The following TANGO6 variants were observed in gnomAD, a reference collection of about 807,000 sequenced individuals.
TANGO6 encodes the protein transport and Golgi organization protein 6 homolog.
In TANGO6, 90 loss-of-function variants were observed where a neutral mutation model predicts 114.2. The ratio of observed to expected loss-of-function variants is 0.79; its 90% CI spans 0.66 to 0.94. The LOEUF (loss-of-function observed/expected upper bound fraction) is 0.94. Ranked by LOEUF, TANGO6 falls within the 40% of genes least tolerant of loss-of-function variation. The pLI is 0.00. For synonymous variants in TANGO6, 477 were observed against 509.8 expected (o/e 0.94, Z 0.87); for missense variants, 1,274 against 1,315.3 (o/e 0.97, Z 0.49).
At chr16:69,044,194 A>G (rs1345493830) in intron 17 of TANGO6, among the ~76,000 whole-genome samples, 2 of 152,184 alleles carry the variant, frequency 1.3e-5, no homozygotes, top group South Asian at 2.1e-4. Flanking sequence ...CCTCCCGAGT[A>G]GCTAGGATTA....
intron 1 of TANGO6, among the ~76,000 whole-genome samples, chr16:68,847,629 C>T (rs62055794): frequency 9.2e-5 from 14 of 152,274 alleles, no homozygotes; most frequent in Middle Eastern, 3.4e-3. Context: ...CACTCATTTC[C>T]GTTTGAGGTA....
At chr16:68,978,381 C>G (rs1481770910) in intron 15 of TANGO6, among the ~76,000 whole-genome samples, 1 of 152,192 alleles carries the variant, frequency 6.6e-6, no homozygotes, top group Non-Finnish European at 1.5e-5. Flanking sequence ...ATTTCCAAAA[C>G]AGCCTTCTGG....
chr16:68,984,027 C>T (rs1483332038), intron 15 of TANGO6, among the ~76,000 whole-genome samples: 2 of 148,186 alleles, frequency 1.3e-5, no homozygotes, highest in South Asian at 2.2e-4. Flanking sequence ...AGCAAGACTC[C>T]GTCTCAAAAA....
chr16:68,887,448 T>C (rs1216533419), intron 7 of TANGO6, among the ~76,000 whole-genome samples: 1 of 152,142 alleles, frequency 6.6e-6, no homozygotes, highest in Non-Finnish European at 1.5e-5. Flanking sequence ...GACAAGAGAA[T>C]GCCAGCAGAG....
At chr16:69,040,486 CT>C in intron 17 of TANGO6, 65 bp downstream of exon 17, 1 of 1,387,486 alleles carries the variant, frequency 7.2e-7, no homozygotes, top group Non-Finnish European at 1.0e-6. Flanking sequence ...CTCAATCTTC[CT>C]TTTACCAGGG....
In TANGO6 at chr16:69,019,262, T is replaced by A. The variant is rs532919438; in HGVS notation, c.2843-3566T>A. Among the ~76,000 whole-genome samples the A allele has an allele frequency of 5.0e-4, 76 of 152,344 alleles. 3 individuals are homozygous for A. In the South Asian group the frequency reaches 0.016, roughly 31 times the overall value. ...CCTCTCTAGGATAGATAATTAGAAA[T>A]GCAAAGACTGGGTCAAAGAGTCTGA... On this transcript the variant is annotated intron_variant, in intron 15 of 17. Transcript: ENST00000261778.
chr16:68,982,596 C>A (rs886945604), intron 15 of TANGO6, among the ~76,000 whole-genome samples: 48 of 146,052 alleles, frequency 3.3e-4, no homozygotes, highest in African/African-American at 1.2e-3. Context: ...TCCCAAAGTG[C>A]TGGGATTACA....
At chr16:69,000,798 G>T (rs924375512) in intron 15 of TANGO6, among the ~76,000 whole-genome samples, 2 of 152,018 alleles carry the variant, frequency 1.3e-5, no homozygotes, top group South Asian at 4.2e-4. Context: ...TCACCATGTG[G>T]CCAGGCTGGT....
Position 68,919,144 on chromosome 16 carries a change from A to G in TANGO6, c.2052A>G (p.Ala684=). The G allele has an allele frequency of 6.2e-7, 1 of 1,613,150 alleles. No individual in the cohort carries two copies. Among genetic ancestry groups the G allele is most frequent in the Non-Finnish European group, 8.5e-7 (1 of 1,179,636 alleles). Residue 684 remains alanine, a synonymous_variant, in exon 12 of 18, where the codon GCA becomes GCG. Transcript: ENST00000261778. ...CCTGTGCAAGCCTGGCCCATCAGGC[A>G]GAGAGCACCGTGGAATCACAGACGC... The part of the protein sequence containing the change: ...QRACASLAHQ[A]ESTVESQTLS...
At chr16:68,849,654 T>C (rs1008570344) in intron 1 of TANGO6, among the ~76,000 whole-genome samples, 16 of 151,716 alleles carry the variant, frequency 1.1e-4, no homozygotes, top group African/African-American at 2.9e-4. Context: ...AGTGAGACCC[T>C]GTCTCAAAAA....
At chr16:68,960,077 T>A (rs1963574282) in intron 14 of TANGO6, among the ~76,000 whole-genome samples, 1 of 152,218 alleles carries the variant, frequency 6.6e-6, no homozygotes, top group Non-Finnish European at 1.5e-5. Context: ...GGTAACTGTT[T>A]CTTTTGATAG....
chr16:68,973,161 A>G (rs1324797889), intron 14 of TANGO6: 1 of 455,994 alleles, frequency 2.2e-6, no homozygotes, highest in Admixed American at 2.3e-5. Context: ...CAGGGAGACC[A>G]ATGAGGGGAT....
intron 1 of TANGO6, chr16:68,846,744 A>ATCC (rs1231535596): frequency 6.4e-6 from 1 of 156,272 alleles, no homozygotes; most frequent in Non-Finnish European, 1.4e-5. Context: ...TGACTTCGTA[A>ATCC]TCCTCCCGCC....
intron 14 of TANGO6, among the ~76,000 whole-genome samples, chr16:68,964,241 C>T (rs934939269): frequency 6.6e-6 from 1 of 151,900 alleles, no homozygotes; most frequent in South Asian, 2.1e-4. Flanking sequence ...TCTATTGAAA[C>T]ATCACCATGT....
At chr16:68,882,725 T>TA (rs111519400) in intron 7 of TANGO6, among the ~76,000 whole-genome samples, 19,643 of 148,814 alleles carry the variant, frequency 0.13, 1,711 homozygotes, top group African/African-American at 0.25. Context: ...CCAGTTTTAT[T>TA]AAAAAAAAAA....
At chr16:68,968,470 T>G (rs1963667363) in intron 14 of TANGO6, among the ~76,000 whole-genome samples, 1 of 151,724 alleles carries the variant, frequency 6.6e-6, no homozygotes, top group African/African-American at 2.4e-5. Flanking sequence ...GTTCAAGTGA[T>G]TCTCCTGTCT....
At chr16:69,075,869 C>T (rs8044939) in intron 17 of TANGO6, among the ~76,000 whole-genome samples, 3,527 of 148,846 alleles carry the variant, frequency 0.024, 138 homozygotes, top group African/African-American at 0.082. Flanking sequence ...CGGGTTCAAG[C>T]GATTCCCGTT....
At chr16:68,961,324 ACTGAGCATGCGGGTTTGCAGTCCT>A (rs1454841265) in intron 14 of TANGO6, among the ~76,000 whole-genome samples, 1 of 152,208 alleles carries the variant, frequency 6.6e-6, no homozygotes, top group African/African-American at 2.4e-5. Flanking sequence ...TAGCAGAGTG[ACTGAGCATGCGGGTTTGCAGTCCT>A]GCCCCGCCAC....
At chr16:69,016,740 A>G (rs1959305077) in intron 15 of TANGO6, among the ~76,000 whole-genome samples, 1 of 151,568 alleles carries the variant, frequency 6.6e-6, no homozygotes, top group African/African-American at 2.4e-5. Flanking sequence ...GCTCACTGCA[A>G]CCTCCGCCTC....
Sources: gnomAD v4.1 joint callset for allele counts (sites outside exome capture counted in the v4.1 genomes callset) on GRCh38, gnomAD v4.1.1 for gene constraint, MANE v1.5 for transcripts, NCBI Gene and HGNC (gene_info 2026-07-23, HGNC 2026-07-21) for gene names.